Variants in ST18 observed in about 807,000 individuals in gnomAD.
The protein encoded by ST18 is ST18 C2H2C-type zinc finger transcription factor, also known as suppression of tumorigenicity 18 protein.
In ST18, 50 loss-of-function variants were observed where a neutral mutation model predicts 110.0. The observed-to-expected ratio is 0.45, with a 90% CI of 0.36 to 0.58. The LOEUF is 0.58. Among genes scored for constraint, ST18 ranks in the 20% least tolerant of loss-of-function variants. The pLI, the probability that ST18 is intolerant of heterozygous loss-of-function variation, is 0.00. For missense variants in ST18, 1,306 were observed against 1,280.1 expected (o/e 1.02, Z -0.31); for synonymous variants, 461 against 452.4 (o/e 1.02, Z -0.24).
intron 2 of ST18, among the ~76,000 whole-genome samples, chr8:52,377,453 T>C (rs1832854846): frequency 6.6e-6 from 1 of 152,206 alleles, no homozygotes; most frequent in South Asian, 2.1e-4. Flanking sequence ...TAACATTTCA[T>C]GTTGTGGTTC....
At chr8:52,393,466 A>G (rs1839993201) in intron 2 of ST18, 1 of 152,052 alleles carries the variant, frequency 6.6e-6, no homozygotes, top group African/African-American at 2.4e-5. Context: ...GTGGTCAATC[A>G]TTTTCTTTTC....
intron 16 of ST18, among the ~76,000 whole-genome samples, 158 bp from the exon 17 acceptor site, chr8:52,143,203 T>C (rs1405204851): frequency 6.6e-6 from 1 of 152,174 alleles, no homozygotes; most frequent in Non-Finnish European, 1.5e-5. Flanking sequence ...ATAAATAATA[T>C]AGGCCAGGCG....
At chr8:52,233,239 G>A (rs1245953562) in intron 2 of ST18, among the ~76,000 whole-genome samples, 2 of 152,052 alleles carry the variant, frequency 1.3e-5, no homozygotes, top group African/African-American at 4.8e-5. Flanking sequence ...TAAATCAGTG[G>A]AGTCCTCCGT....
intron 2 of ST18, among the ~76,000 whole-genome samples, chr8:52,276,932 A>T (rs1273205188): frequency 1.3e-5 from 2 of 151,894 alleles, no homozygotes; most frequent in East Asian, 3.9e-4. Context: ...ACGCCCAGCT[A>T]ATTTTTGTAT....
chr8:52,119,390 A>G (rs2130714838), intron 23 of ST18, among the ~76,000 whole-genome samples: 1 of 152,268 alleles, frequency 6.6e-6, no homozygotes, highest in South Asian at 2.1e-4. Context: ...AATCTGAACC[A>G]GGGTGACAAT....
Position 52,235,389 on chromosome 8 carries a change from C to T in ST18, c.-464-5312G>A, listed in dbSNP as rs889606595. On this transcript the variant is annotated intron_variant, in intron 2 of 25. Transcript: ENST00000689386. The stretch of plus-strand genomic sequence containing the variant: ...CACGGTCAGCTCCAGACTGGAAGCA[C>T]CTACAGGAAGGGCAAGGGTGCTCTT... 3.9e-5 allele frequency among the ~76,000 whole-genome samples: 6 copies of T among 152,048 alleles called. No homozygotes were observed. In the East Asian group the frequency reaches 1.2e-3, roughly 29 times the overall value.
At chr8:52,324,331 A>T (rs1291599063) in intron 2 of ST18, among the ~76,000 whole-genome samples, 1 of 152,084 alleles carries the variant, frequency 6.6e-6, no homozygotes, top group Admixed American at 6.6e-5. Context: ...GGATGGATGG[A>T]TGGATGGATG....
chr8:52,335,259 A>G (rs1475107917), intron 2 of ST18, among the ~76,000 whole-genome samples: 1 of 152,118 alleles, frequency 6.6e-6, no homozygotes, highest in East Asian at 1.9e-4. Flanking sequence ...TTCTTTTCCA[A>G]GGTTCTAGGT....
At chr8:52,265,116 A>G (rs1378483636) in intron 2 of ST18, among the ~76,000 whole-genome samples, 1 of 152,228 alleles carries the variant, frequency 6.6e-6, no homozygotes, top group Admixed American at 6.5e-5. Flanking sequence ...ATCACTGAAA[A>G]GATGATGTTT....
chr8:52,360,505 CA>C (rs72050480), intron 2 of ST18, among the ~76,000 whole-genome samples: 72 of 148,540 alleles, frequency 4.8e-4, no homozygotes, highest in Admixed American at 7.4e-4. Flanking sequence ...ACAAATAATG[CA>C]AAAAAAAATT....
chr8:52,251,979 C>T (rs772362305), intron 2 of ST18, among the ~76,000 whole-genome samples: 3 of 151,934 alleles, frequency 2.0e-5, no homozygotes, highest in Non-Finnish European at 2.9e-5. Context: ...CACATAAGGA[C>T]AAGAATTAAT....
intron 2 of ST18, among the ~76,000 whole-genome samples, chr8:52,260,209 A>G (rs2094643183): frequency 6.6e-6 from 1 of 152,216 alleles, no homozygotes; most frequent in Non-Finnish European, 1.5e-5. Flanking sequence ...TGGTGTATCT[A>G]TGTATATTTC....
intron 2 of ST18, among the ~76,000 whole-genome samples, chr8:52,317,134 G>A (rs745917636): frequency 1.3e-5 from 2 of 152,038 alleles, no homozygotes; most frequent in African/African-American, 4.8e-5. Context: ...GGTTTGAATG[G>A]TCATCTCAGA....
At chr8:52,308,841 C>T (rs2095855208) in intron 2 of ST18, among the ~76,000 whole-genome samples, 1 of 152,208 alleles carries the variant, frequency 6.6e-6, no homozygotes, top group Non-Finnish European at 1.5e-5. Context: ...GTGCCTGTGT[C>T]GGCTCAGGGG....
At chr8:52,163,332 C>T (rs1434717754) in intron 13 of ST18, among the ~76,000 whole-genome samples, 6 of 152,118 alleles carry the variant, frequency 3.9e-5, no homozygotes, top group African/African-American at 1.4e-4. Flanking sequence ...ATCTGATCAT[C>T]TAGCTTAATC....
intron 15 of ST18, among the ~76,000 whole-genome samples, chr8:52,151,806 A>T (rs1034325442): frequency 1.3e-5 from 2 of 152,246 alleles, no homozygotes; most frequent in East Asian, 3.8e-4. Flanking sequence ...TTGGGTTAAG[A>T]CTGCACAACC....
intron 2 of ST18, among the ~76,000 whole-genome samples, chr8:52,319,648 A>G (rs1433273180): frequency 1.3e-5 from 2 of 152,098 alleles, no homozygotes; most frequent in Non-Finnish European, 1.5e-5. Flanking sequence ...TAAAACAACA[A>G]ATATTTTATT....
At chr8:52,330,233 C>A (rs1012928681) in intron 2 of ST18, among the ~76,000 whole-genome samples, 4 of 152,094 alleles carry the variant, frequency 2.6e-5, no homozygotes, top group African/African-American at 2.4e-5. Context: ...CCAGGTGAGA[C>A]AATTTTGCCA....
intron 8 of ST18, among the ~76,000 whole-genome samples, chr8:52,202,426 A>T (rs936192248): frequency 3.9e-5 from 6 of 152,036 alleles, no homozygotes; most frequent in African/African-American, 7.2e-5. Flanking sequence ...TTTTTTTTTT[A>T]AATATAGGTT....
Sources: allele counts gnomAD v4.1 joint callset (sites outside exome capture counted in the v4.1 genomes callset), GRCh38; gene constraint gnomAD v4.1.1; transcripts MANE v1.5; gene names NCBI Gene and HGNC (gene_info 2026-07-23, HGNC 2026-07-21).